Variants in HYCC2 observed in about 807,000 individuals in gnomAD.
HYCC2 encodes the protein hyccin 2.
At chr2:200,992,342 T>C in the HYCC2 span, 2 of 1,611,682 alleles carry the variant, frequency 1.2e-6, no homozygotes, top group Non-Finnish European at 8.5e-7. Flanking sequence ...AAGAACTTCC[T>C]GGCCAAGGTC....
chr2:201,064,932 A>G, the HYCC2 span, among the ~76,000 whole-genome samples: 1 of 152,212 alleles, frequency 6.6e-6, no homozygotes, highest in Non-Finnish European at 1.5e-5. Flanking sequence ...GTAAAATATC[A>G]AGACCAGGAA....
the HYCC2 span, chr2:201,011,583 A>C: frequency 1.7e-6 from 1 of 596,612 alleles, no homozygotes; most frequent in African/African-American, 1.9e-5. Flanking sequence ...GATTTTTCAG[A>C]AACAGTAATG....
At chr2:201,062,295 G>C in the HYCC2 span, among the ~76,000 whole-genome samples, 2 of 151,976 alleles carry the variant, frequency 1.3e-5, no homozygotes, top group Non-Finnish European at 1.5e-5. Context: ...GAAAAGGGTG[G>C]ATCACTTGAG....
At chr2:200,993,986 A>G in the HYCC2 span, among the ~76,000 whole-genome samples, 2 of 152,076 alleles carry the variant, frequency 1.3e-5, no homozygotes, top group Admixed American at 6.5e-5. Flanking sequence ...AAATAAATAA[A>G]TAAATAAAAA....
the HYCC2 span, chr2:200,976,706 G>A: frequency 1.3e-5 from 2 of 151,840 alleles, no homozygotes; most frequent in African/African-American, 2.4e-5. Flanking sequence ...CATTTTATAT[G>A]GTATATACAC....
chr2:201,047,637 G>C, the HYCC2 span, among the ~76,000 whole-genome samples: 1 of 150,914 alleles, frequency 6.6e-6, no homozygotes, highest in South Asian at 2.1e-4. Flanking sequence ...TTCTACCCAG[G>C]ATGCCGTAAA....
the HYCC2 span, chr2:200,981,373 A>C: frequency 6.2e-7 from 1 of 1,614,168 alleles, no homozygotes. This position sits in a 1 kb window ranked among gnomAD's most constrained non-coding sequence, Gnocchi z 4.5. Context: ...AGCTTGACCT[A>C]GCCGGTCTTC....
At chr2:201,025,759 T>C in the HYCC2 span, among the ~76,000 whole-genome samples, 1 of 151,930 alleles carries the variant, frequency 6.6e-6, no homozygotes, top group African/African-American at 2.4e-5. Flanking sequence ...CATGGTCTGA[T>C]GGTATAGGAA....
At chr2:200,985,368 A>G in the HYCC2 span, among the ~76,000 whole-genome samples, 1 of 152,034 alleles carries the variant, frequency 6.6e-6, no homozygotes, top group Non-Finnish European at 1.5e-5. Context: ...ACTGATTTAA[A>G]ACTACAAATA....
At chr2:201,068,212 G>A in the HYCC2 span, among the ~76,000 whole-genome samples, 3 of 151,958 alleles carry the variant, frequency 2.0e-5, no homozygotes, top group South Asian at 2.1e-4. Context: ...GCTTGAACCC[G>A]GGAGGCAGAG....
chr2:201,038,758 A>C, the HYCC2 span, among the ~76,000 whole-genome samples: 5 of 151,936 alleles, frequency 3.3e-5, no homozygotes, highest in South Asian at 1.0e-3. Context: ...GTAGGGGGAG[A>C]GGGGAGGGAT....
At chr2:200,981,551 G>A in the HYCC2 span, 2 of 1,614,016 alleles carry the variant, frequency 1.2e-6, no homozygotes, top group African/African-American at 1.3e-5. The surrounding 1 kb of genome is among the most constrained non-coding windows in gnomAD (Gnocchi z 4.5). Context: ...TTGATTTTTG[G>A]CACCACCTGG....
chr2:201,047,970 T>C, the HYCC2 span, among the ~76,000 whole-genome samples: 1 of 149,032 alleles, frequency 6.7e-6, no homozygotes, highest in Non-Finnish European at 1.5e-5. Context: ...CAGAAGGAAA[T>C]TATCCTAAAT....
the HYCC2 span, among the ~76,000 whole-genome samples, chr2:201,046,787 G>C: frequency 6.6e-6 from 1 of 152,160 alleles, no homozygotes; most frequent in African/African-American, 2.4e-5. Flanking sequence ...TCCCTGTCTG[G>C]TTGAAGGTAA....
chr2:201,067,710 T>C, the HYCC2 span, among the ~76,000 whole-genome samples: 2 of 152,218 alleles, frequency 1.3e-5, no homozygotes, highest in African/African-American at 4.8e-5. Flanking sequence ...AATGCAAAGA[T>C]TAATGCATAT....
At chr2:201,016,894 C>T in the HYCC2 span, 6 of 1,276,862 alleles carry the variant, frequency 4.7e-6, no homozygotes, top group Non-Finnish European at 6.5e-6. Flanking sequence ...AGCCACTGCG[C>T]CTGGCCAATT....
chr2:201,057,835 C>T, the HYCC2 span, among the ~76,000 whole-genome samples: 7 of 152,232 alleles, frequency 4.6e-5, no homozygotes, highest in East Asian at 1.3e-3. Flanking sequence ...TCCCAGTAGG[C>T]AAAACTTCAA....
At chr2:200,981,512 C>T in the HYCC2 span, 1 of 1,614,234 alleles carries the variant, frequency 6.2e-7, no homozygotes, top group South Asian at 1.1e-5. The surrounding 1 kb of genome is among the most constrained non-coding windows in gnomAD (Gnocchi z 4.5). Flanking sequence ...CTTGAGGAAG[C>T]ACTGGCTGTC....
chr2:201,046,635 A>G, the HYCC2 span, among the ~76,000 whole-genome samples: 74 of 152,320 alleles, frequency 4.9e-4, no homozygotes, highest in East Asian at 9.2e-3. Flanking sequence ...GGGAATCTCT[A>G]CAGAGACAAA....
Sources: gnomAD v4.1 joint callset for allele counts (sites outside exome capture counted in the v4.1 genomes callset) on GRCh38, gnomAD v4.1.1 for gene constraint, Gnocchi (gnomAD v3.1) non-coding constraint, MANE v1.5 for transcripts, NCBI Gene and HGNC (gene_info 2026-07-23, HGNC 2026-07-21) for gene names.